Variants in ACACB observed in about 807,000 individuals in gnomAD.
The protein encoded by ACACB is acetyl-CoA carboxylase 2.
ACACB carries 209 observed loss-of-function variants against 278.8 expected under a neutral mutation model. The ratio of observed to expected loss-of-function variants is 0.75; its 90% CI spans 0.67 to 0.84. ACACB has a LOEUF of 0.84. ACACB is among the 40% of genes least tolerant of loss of function. The pLI, the probability that ACACB is intolerant of heterozygous loss-of-function variation, is 0.00. For synonymous variants in ACACB, 1,174 were observed against 1,285.6 expected (o/e 0.91, Z 1.86); for missense variants, 2,850 against 3,269.0 (o/e 0.87, Z 3.13).
At chr12:109,229,762 A>G (rs1314588715) in intron 28 of ACACB, among the ~76,000 whole-genome samples, 1 of 151,998 alleles carries the variant, frequency 6.6e-6, no homozygotes, top group Non-Finnish European at 1.5e-5. Flanking sequence ...GGAACTCCTA[A>G]CCTCAAATGA....
intron 1 of ACACB, among the ~76,000 whole-genome samples, chr12:109,138,920 G>A (rs2043033027): frequency 6.6e-6 from 1 of 152,196 alleles, no homozygotes; most frequent in South Asian, 2.1e-4. Context: ...ATCCACTCAT[G>A]TAAAGGACAA....
intron 24 of ACACB, among the ~76,000 whole-genome samples, chr12:109,221,877 AC>A (rs1448158453): frequency 1.5e-5 from 2 of 133,288 alleles, no homozygotes; most frequent in Non-Finnish European, 3.1e-5. Context: ...ATAATCACTG[AC>A]CTTTTTTTTT....
At chr12:109,210,627 T>C (rs1173949589) in intron 21 of ACACB, among the ~76,000 whole-genome samples, 1 of 150,542 alleles carries the variant, frequency 6.6e-6, no homozygotes, top group African/African-American at 2.4e-5. Flanking sequence ...TTAAGAATTA[T>C]ACTGAGGTCG....
chr12:109,251,210 C>G (rs1396925769), intron 41 of ACACB, among the ~76,000 whole-genome samples: 1 of 152,138 alleles, frequency 6.6e-6, no homozygotes, highest in African/African-American at 2.4e-5. Context: ...CAGGTGTTTT[C>G]TATCTATCAG....
chr12:109,240,212 A>C (rs1421117321), intron 35 of ACACB, among the ~76,000 whole-genome samples: 4 of 152,242 alleles, frequency 2.6e-5, no homozygotes, highest in Non-Finnish European at 5.9e-5. Context: ...GATGACAAGC[A>C]TGCTCAAAAT....
chr12:109,122,978 G>A (rs1462231785), intron 1 of ACACB, among the ~76,000 whole-genome samples: 5 of 151,904 alleles, frequency 3.3e-5, no homozygotes, highest in Non-Finnish European at 4.4e-5. Context: ...TCAGGAGATC[G>A]AGACCATCCT....
intron 11 of ACACB, among the ~76,000 whole-genome samples, chr12:109,180,511 T>C (rs112961086): frequency 1.6e-4 from 24 of 152,356 alleles, no homozygotes; most frequent in African/African-American, 5.1e-4. Flanking sequence ...ATATCATCCC[T>C]GTTAAGAATA....
In ACACB at chr12:109,201,452, T is replaced by C. The variant is rs185534288; in HGVS notation, c.2779-115T>C. The C allele has an allele frequency of 7.5e-5, 94 of 1,249,004 alleles. No individual in the cohort carries two copies. In the African/African-American group the frequency reaches 1.4e-3, roughly 18 times the overall value. The allele number at this position is 1,249,004 out of a possible 1,614,324, so 77.4% of individuals were successfully genotyped here. A position where few individuals can be genotyped will look rare whatever the true frequency, so the allele number is the denominator to read the frequency against. On this transcript the variant is annotated intron_variant, in intron 18 of 52. Transcript: ENST00000338432. ...CTGAACACTACCCAGGGAGTCATTCTGGCGCGTCCCTGGGTAGTGTCCCGG... is the reference window on the plus strand; with the variant it reads ...CTGAACACTACCCAGGGAGTCATTCCGGCGCGTCCCTGGGTAGTGTCCCGG...
At chr12:109,222,701 C>A in intron 25 of ACACB, 81 bp downstream of exon 25, 1 of 1,516,398 alleles carries the variant, frequency 6.6e-7, no homozygotes. Context: ...CAGCCCTCAC[C>A]ATGCACAGTC....
Position 109,227,421 on chromosome 12 carries a change from C to G in ACACB, c.3933C>G (p.His1311Gln). ...CCTATGAGTTAAACAGCCTGCAGCA[C>G]CGGCAGCTCCCGGACGGCACCTGCG... ...YIAYELNSLQHRQLPDGTCVV... is the reference protein window; with the variant it reads ...YIAYELNSLQQRQLPDGTCVV... The change falls in exon 28 of 53, where the codon CAC becomes CAG. Residue 1311 changes from histidine to glutamine, a missense_variant. By Grantham distance (24) the His-to-Gln change is conservative. Transcript: ENST00000338432. 6.2e-7 allele frequency: 1 copy of G among 1,613,574 alleles called. No homozygotes were observed.
rs141622052 is a variant in ACACB at position 109,241,299 on chromosome 12, C to T, written c.5022+18C>T. 23 of 1,611,890 alleles carry T rather than the reference C, an allele frequency of 1.4e-5. No individual in the cohort carries two copies. Among genetic ancestry groups the T allele is most frequent in the East Asian group, 2.2e-5 (1 of 44,866 alleles). On this transcript the variant is annotated intron_variant, in intron 36 of 52. Coordinates refer to ENST00000338432, the MANE Select transcript of ACACB (RefSeq NM_001093.4). ...CTGGAAATGTAAGGCTGGCCCGCGCCGTGGGGGTCTAAGTCAAAGCAGAAG... is the reference window on the plus strand; with the variant it reads ...CTGGAAATGTAAGGCTGGCCCGCGCTGTGGGGGTCTAAGTCAAAGCAGAAG...
chr12:109,112,215 TA>T (rs1331313190), upstream of ACACB, among the ~76,000 whole-genome samples: 2 of 149,066 alleles, frequency 1.3e-5, no homozygotes, highest in Non-Finnish European at 3.0e-5. Context: ...TCAATATACG[TA>T]TATTGAATAT....
intron 2 of ACACB, among the ~76,000 whole-genome samples, chr12:109,147,596 T>C (rs2043275017): frequency 6.6e-6 from 1 of 152,026 alleles, no homozygotes; most frequent in South Asian, 2.1e-4. Flanking sequence ...TTATTACCTG[T>C]CTCCCTACAC....
In ACACB at chr12:109,265,140, T is replaced by A; in HGVS notation, c.6973T>A (p.Phe2325Ile). Residue 2325 changes from phenylalanine (F) to isoleucine (I), a missense_variant, in exon 51 of 53, where the codon TTC becomes ATC. Physicochemically the swap from Phe to Ile is conservative, Grantham distance 21 (BLOSUM62 0). Transcript: ENST00000338432. Reference protein sequence around the residue: ...DILEWKTARTFLYWRLRRLLL... With the variant: ...DILEWKTARTILYWRLRRLLL... The stretch of plus-strand genomic sequence containing the variant: ...CCTGGAGTGGAAGACCGCACGCACC[T>A]TCCTGTATTGGCGTCTGCGCCGCCT... 6.2e-7 allele frequency: 1 copy of A among 1,613,302 alleles called. No individual in the cohort carries two copies. The highest frequency in any genetic ancestry group is 8.5e-7 in the Non-Finnish European group (1 of 1,179,640).
chr12:109,156,732 G>T (rs2043552184), intron 2 of ACACB, among the ~76,000 whole-genome samples: 1 of 151,940 alleles, frequency 6.6e-6, no homozygotes, highest in South Asian at 2.1e-4. Context: ...CCATGCATAA[G>T]GCCTGCAACT....
chr12:109,245,710 C>T lies in ACACB; in HGVS notation c.5263C>T (p.Gln1755Ter). The T allele has an allele frequency of 5.6e-6, 9 of 1,614,164 alleles. No homozygotes were observed. The highest frequency in any genetic ancestry group is 7.6e-6 in the Non-Finnish European group (9 of 1,180,026). Residue 1755 changes from glutamine (Q) to a stop codon, truncating the protein, a stop_gained, in exon 38 of 53, where the codon CAG (glutamine) becomes TAG (stop). Transcript: ENST00000338432. LOFTEE classifies it high-confidence loss of function. Reference protein sequence around the residue: ...YTELVLDSQGQLVEMNRLPGG... With the variant: ...YTELVLDSQG ...TGAATTAGTGTTGGACTCTCAGGGC[C>T]AGCTGGTGGAGATGAACCGACTTCC...
intron 15 of ACACB, among the ~76,000 whole-genome samples, chr12:109,192,303 TC>T (rs1437981206): frequency 1.3e-5 from 2 of 152,100 alleles, no homozygotes; most frequent in Non-Finnish European, 2.9e-5. Flanking sequence ...GCGGGTGCAT[TC>T]CCAGACCCTC....
At chr12:109,251,155 A>C in intron 41 of ACACB, among the ~76,000 whole-genome samples, 1 of 152,178 alleles carries the variant, frequency 6.6e-6, no homozygotes, top group East Asian at 1.9e-4. Flanking sequence ...GAGCCCACCC[A>C]CCCAGCTCCT....
intron 2 of ACACB, among the ~76,000 whole-genome samples, chr12:109,152,869 G>T (rs1406133122): frequency 1.3e-5 from 2 of 151,942 alleles, no homozygotes; most frequent in African/African-American, 2.4e-5. Context: ...GTCTTGAACT[G>T]CTGGCCTCAA....
Sources: allele counts gnomAD v4.1 joint callset (sites outside exome capture counted in the v4.1 genomes callset), GRCh38; gene constraint gnomAD v4.1.1; transcripts MANE v1.5; gene names NCBI Gene and HGNC (gene_info 2026-07-23, HGNC 2026-07-21).